Variants in LAPTM4B observed in about 807,000 individuals in gnomAD.
LAPTM4B encodes the protein lysosomal protein transmembrane 4 beta.
LAPTM4B carries 26 observed loss-of-function variants against 28.5 expected under a neutral mutation model. The observed-to-expected ratio is 0.91, with a 90% CI of 0.67 to 1.27. The LOEUF is 1.27. LAPTM4B is among the 50% of genes most tolerant of loss of function. LAPTM4B has a pLI of 0.00. For missense variants in LAPTM4B, 288 were observed against 285.8 expected, an observed-to-expected ratio of 1.01 and a Z score of -0.06; for synonymous variants, 109 against 106.4, an observed-to-expected ratio of 1.02 and a Z score of -0.15.
At chr8:97,800,462 C>T (rs183277536) in intron 1 of LAPTM4B, among the ~76,000 whole-genome samples, 64 of 132,720 alleles carry the variant, frequency 4.8e-4, no homozygotes, top group African/African-American at 1.7e-3. Context: ...TTCTTCCCTT[C>T]TGTAATATTA....
At chr8:97,784,486 C>A (rs926265042) in intron 1 of LAPTM4B, among the ~76,000 whole-genome samples, 8 of 152,170 alleles carry the variant, frequency 5.3e-5, no homozygotes, top group African/African-American at 1.9e-4. Context: ...GTCACCCAGG[C>A]TGGAGTGCAG....
At chr8:97,816,026 C>T (rs763940748) in intron 3 of LAPTM4B, 32 bp from the exon 4 acceptor site, 1 of 1,502,896 alleles carries the variant, frequency 6.7e-7, no homozygotes, top group Non-Finnish European at 9.1e-7. Flanking sequence ...TAATATTGAA[C>T]ACATTAACTT....
Position 97,852,986 on chromosome 8 carries a change from A to G in LAPTM4B, c.*1512A>G. 2 of 682,844 alleles carry G rather than the reference A, an allele frequency of 2.9e-6. No individual in the cohort carries two copies. The highest frequency in any genetic ancestry group is 4.4e-5 in the South Asian group (2 of 45,008). The allele number at this position is 682,844 out of a possible 1,614,324, so 42.3% of individuals were successfully genotyped here. ...GTAGAAAAAGGTGTAGCCGGCATAC[A>G]AATGTTATCTACAGTGTATTTTTAG... On this transcript the variant is annotated 3_prime_UTR_variant, in exon 7 of 7. Coordinates refer to ENST00000521545, the MANE Select transcript of LAPTM4B (RefSeq NM_018407.6).
intron 6 of LAPTM4B, among the ~76,000 whole-genome samples, chr8:97,846,288 A>G (rs1301699806): frequency 6.6e-6 from 1 of 152,024 alleles, no homozygotes; most frequent in Admixed American, 6.6e-5. Context: ...TGACTTAACT[A>G]ATATTACAGT....
At chr8:97,843,191 T>C (rs1275648085) in intron 6 of LAPTM4B, among the ~76,000 whole-genome samples, 7 of 152,156 alleles carry the variant, frequency 4.6e-5, no homozygotes, top group Admixed American at 3.9e-4. Context: ...TTACGTAATA[T>C]CTGAATTAAA....
intron 6 of LAPTM4B, among the ~76,000 whole-genome samples, chr8:97,843,678 G>T (rs1451344375): frequency 6.6e-6 from 1 of 152,076 alleles, no homozygotes; most frequent in Non-Finnish European, 1.5e-5. Context: ...TACTTGGGAG[G>T]CCGAGGCAGG....
At chr8:97,834,280 G>C (rs1169828901) in intron 6 of LAPTM4B, among the ~76,000 whole-genome samples, 1 of 152,078 alleles carries the variant, frequency 6.6e-6, no homozygotes, top group Non-Finnish European at 1.5e-5. Context: ...CTCCAGCCTA[G>C]GTGACACAGC....
At chr8:97,842,843 T>C (rs1412072610) in intron 6 of LAPTM4B, among the ~76,000 whole-genome samples, 1 of 148,184 alleles carries the variant, frequency 6.7e-6, no homozygotes, top group Non-Finnish European at 1.5e-5. Flanking sequence ...TGTAAGGATA[T>C]CTTTTTCCTG....
At chr8:97,830,237 A>AG (rs951053925) in intron 6 of LAPTM4B, among the ~76,000 whole-genome samples, 24 of 152,264 alleles carry the variant, frequency 1.6e-4, no homozygotes, top group African/African-American at 5.5e-4. Context: ...GGAGATAATT[A>AG]GGGAGGGGTA....
chr8:97,805,141 C>T (rs1816739997), intron 1 of LAPTM4B, among the ~76,000 whole-genome samples: 2 of 152,104 alleles, frequency 1.3e-5, no homozygotes, highest in African/African-American at 4.8e-5. Context: ...AAGCCTTGTG[C>T]ACTTGGCTGC....
At chr8:97,786,060 A>G (rs563459905) in intron 1 of LAPTM4B, among the ~76,000 whole-genome samples, 1 of 152,172 alleles carries the variant, frequency 6.6e-6, no homozygotes, top group Admixed American at 6.6e-5. Context: ...CTGCCCCACC[A>G]CCTTTTGGGC....
At chr8:97,811,322 T>C (rs562360249) in intron 2 of LAPTM4B, among the ~76,000 whole-genome samples, 9 of 152,262 alleles carry the variant, frequency 5.9e-5, no homozygotes, top group Admixed American at 3.9e-4. Context: ...CATAAATCTG[T>C]CGTCAGCCAT....
chr8:97,842,884 C>CTTT (rs375838290), intron 6 of LAPTM4B, among the ~76,000 whole-genome samples: 1 of 143,886 alleles, frequency 6.9e-6, no homozygotes, highest in Non-Finnish European at 1.5e-5. Flanking sequence ...TATATAATAT[C>CTTT]TTTTTTTTTT....
At chr8:97,789,159 CG>C (rs1287212843) in intron 1 of LAPTM4B, among the ~76,000 whole-genome samples, 4 of 148,870 alleles carry the variant, frequency 2.7e-5, no homozygotes, top group African/African-American at 9.9e-5. Flanking sequence ...CTGCAACCTC[CG>C]CCTCCCAGGT....
chr8:97,833,389 TA>T (rs1232644657), intron 6 of LAPTM4B, among the ~76,000 whole-genome samples: 1 of 152,132 alleles, frequency 6.6e-6, no homozygotes, highest in African/African-American at 2.4e-5. Flanking sequence ...ATGGTATTGT[TA>T]TTTTTTAATT....
intron 1 of LAPTM4B, among the ~76,000 whole-genome samples, chr8:97,787,927 A>G (rs1231827962): frequency 1.3e-5 from 2 of 152,014 alleles, no homozygotes; most frequent in Admixed American, 6.6e-5. Flanking sequence ...CTCTTCTCCC[A>G]GGTTCAAGTG....
chr8:97,790,565 C>T (rs1265200429), intron 1 of LAPTM4B, among the ~76,000 whole-genome samples: 1 of 151,944 alleles, frequency 6.6e-6, no homozygotes, highest in Non-Finnish European at 1.5e-5. Context: ...CCGCCTCACT[C>T]TCCTAAAGTG....
intron 2 of LAPTM4B, among the ~76,000 whole-genome samples, chr8:97,813,210 GCTGACAGTGCAGC>G (rs1381365228): frequency 6.6e-6 from 1 of 152,264 alleles, no homozygotes; most frequent in African/African-American, 2.4e-5. Flanking sequence ...AAGTAGGGAA[GCTGACAGTGCAGC>G]CTTCAGTTTG....
chr8:97,850,365 A>G (rs1817503804), intron 6 of LAPTM4B, among the ~76,000 whole-genome samples: 1 of 151,412 alleles, frequency 6.6e-6, no homozygotes, highest in African/African-American at 2.4e-5. Context: ...TCGGATAGGC[A>G]CTGGCCCACC....
Sources: gnomAD v4.1 joint callset for allele counts (sites outside exome capture counted in the v4.1 genomes callset) on GRCh38, gnomAD v4.1.1 for gene constraint, MANE v1.5 for transcripts, NCBI Gene and HGNC (gene_info 2026-07-23, HGNC 2026-07-21) for gene names.